Variants in ZNF169 observed in about 807,000 individuals in gnomAD.
The protein encoded by ZNF169 is zinc finger protein 169.
Under a neutral mutation model 12.0 loss-of-function variants are expected in ZNF169, and 11 were observed. The ratio of observed to expected loss-of-function variants is 0.92; its 90% confidence interval spans 0.58 to 1.52. The LOEUF (loss-of-function observed/expected upper bound fraction) is 1.52, where lower values mean the gene tolerates loss of function less well. Among genes scored for constraint, ZNF169 ranks in the 40% most tolerant of loss-of-function variants. The pLI, the probability that ZNF169 is intolerant of heterozygous loss-of-function variation, is 0.00. For missense variants in ZNF169, 722 were observed against 744.0 expected (o/e 0.97, Z 0.34); for synonymous variants, 302 against 286.5 (o/e 1.05, Z -0.55).
chr9:94,299,847 C>T lies in ZNF169; in HGVS notation c.289C>T (p.His97Tyr). 1 of 1,613,702 alleles carries T rather than the reference C, an allele frequency of 6.2e-7. No individual in the cohort carries two copies. The highest frequency in any genetic ancestry group is 8.5e-7 in the Non-Finnish European group (1 of 1,179,824). The change falls in exon 5 of 5, where the codon CAC becomes TAC. Residue 97 changes from histidine (H) to tyrosine (Y), a missense_variant. His to Tyr is a moderately conservative substitution (Grantham distance 83). Transcript: ENST00000395395. ...AACAGAATTCCAGCCAAGTTTTCCC[C>T]ACCTGGTGGCCTTTTCTAGCTCGCA... The part of the protein sequence containing the change: ...PRTEFQPSFP[H>Y]LVAFSSSQLL...
At chr9:94,292,645 G>GCA (rs1224051299) in intron 3 of ZNF169, 178 bp downstream of exon 3, 14 of 818,558 alleles carry the variant, frequency 1.7e-5, no homozygotes, top group East Asian at 2.7e-5. Flanking sequence ...GTGTGTGCGC[G>GCA]TGCACATGCT....
Position 94,271,581 on chromosome 9 carries a change from G to C in ZNF169, c.-55-7177G>C, listed in dbSNP as rs1003806058. On this transcript the variant is annotated intron_variant, in intron 1 of 4. Coordinates refer to ENST00000395395, the MANE Select transcript of ZNF169 (RefSeq NM_194320.4). ...CTAAAAATACAAAAATTAGCTGGGC[G>C]TGGTGGTGCACACCTGTAGTCCCAG... is the stretch of plus-strand genomic sequence containing the variant. Among the ~76,000 whole-genome samples, 4 of 151,916 alleles carry C rather than the reference G, an allele frequency of 2.6e-5. No individual in the cohort carries two copies. In the East Asian group the frequency reaches 5.9e-4, roughly 22 times the overall value.
chr9:94,299,874 C>G lies in ZNF169; in HGVS notation c.316C>G (p.Leu106Val). The change falls in exon 5 of 5, where the codon CTC (leucine) becomes GTC (valine). Residue 106 changes from leucine (L) to valine (V), a missense_variant. By Grantham distance (32) the Leu-to-Val change is conservative. Transcript: ENST00000395395. The stretch of plus-strand genomic sequence containing the variant: ...CCTGGTGGCCTTTTCTAGCTCGCAG[C>G]TCCTCAGACAATATGCGCTAAGTGG... ...PHLVAFSSSQLLRQYALSGHP... is the reference protein window; with the variant it reads ...PHLVAFSSSQVLRQYALSGHP... The G allele has an allele frequency of 3.7e-6, 6 of 1,614,160 alleles. No individual in the cohort carries two copies. Among genetic ancestry groups the G allele is most frequent in the Non-Finnish European group, 5.1e-6 (6 of 1,180,040 alleles).
intron 1 of ZNF169, among the ~76,000 whole-genome samples, chr9:94,275,082 A>G (rs908652976): frequency 1.3e-5 from 2 of 152,034 alleles, no homozygotes; most frequent in African/African-American, 2.4e-5. Flanking sequence ...TATGAAAAAT[A>G]AAAAAATAGC....
At chr9:94,266,287 T>C (rs1564081930) in intron 1 of ZNF169, among the ~76,000 whole-genome samples, 1 of 152,032 alleles carries the variant, frequency 6.6e-6, no homozygotes, top group South Asian at 2.1e-4. Context: ...CACTGTCAAT[T>C]TGCACATGAT....
intron 4 of ZNF169, 109 bp from the exon 5 acceptor site, chr9:94,299,706 T>G (rs1355096556): frequency 1.3e-6 from 2 of 1,484,720 alleles, no homozygotes; most frequent in African/African-American, 2.8e-5. Flanking sequence ...TGTGCCCTTG[T>G]GGGTTGGAAG....
rs1255131078 is a variant in ZNF169 at position 94,261,933 on chromosome 9, A to T, written c.-56+2588A>T. On this transcript the variant is annotated intron_variant, in intron 1 of 4. Coordinates refer to ENST00000395395, the MANE Select transcript of ZNF169 (RefSeq NM_194320.4). ...AAAAACAACTTCAGCATTAATGATC[A>T]TACCCAAGAAAATTAACAGAATTTA... Among the ~76,000 whole-genome samples, 4 of 152,366 alleles carry T rather than the reference A, an allele frequency of 2.6e-5. No individual in the cohort carries two copies. The East Asian group carries it at 7.7e-4, about 29-fold the overall frequency.
At chr9:94,296,633 C>T (rs1406129637) in intron 4 of ZNF169, among the ~76,000 whole-genome samples, 3 of 152,094 alleles carry the variant, frequency 2.0e-5, no homozygotes, top group Admixed American at 6.6e-5. Context: ...CCTTTTTTAA[C>T]TGAATTTCCT....
rs1401473460 is a variant in ZNF169, at chr9:94,292,908, G to A, written c.161-66G>A. 3 of 1,430,798 alleles carry A rather than the reference G, an allele frequency of 2.1e-6. No homozygotes were observed. The East Asian group carries it at 7.3e-5, about 35-fold the overall frequency. The allele number at this position is 1,430,798 out of a possible 1,614,324, so 88.6% of individuals were successfully genotyped here. ...TTTATTGCATTCCTGGGTTGGCTCTGAGTTCTGAGATAGCCTCTTAAGCCA... is the reference window on the plus strand; with the variant it reads ...TTTATTGCATTCCTGGGTTGGCTCTAAGTTCTGAGATAGCCTCTTAAGCCA... On this transcript the variant is annotated intron_variant, in intron 3 of 4. Transcript: ENST00000395395.
chr9:94,288,019 A>G, intron 2 of ZNF169: 1 of 779,284 alleles, frequency 1.3e-6, no homozygotes, highest in Non-Finnish European at 2.3e-6. Context: ...TGAAACTGGA[A>G]TTCATCAGTC....
intron 1 of ZNF169, among the ~76,000 whole-genome samples, chr9:94,263,165 C>T (rs1418545947): frequency 1.3e-5 from 2 of 152,064 alleles, no homozygotes; most frequent in East Asian, 3.8e-4. Flanking sequence ...ATTTTATCAA[C>T]TGTTGTGGCA....
chr9:94,292,443 A>C lies in ZNF169; in HGVS notation c.136A>C (p.Asn46His). The change falls in exon 3 of 5, where the codon AAC becomes CAC. Residue 46 changes from asparagine to histidine, a missense_variant. Coordinates refer to ENST00000395395, the MANE Select transcript of ZNF169 (RefSeq NM_194320.4). The part of the protein sequence containing the change: ...RTLYREVMLE[N>H]YSHLVSLGIA... ...CCTGTACAGGGAGGTGATGCTGGAG[A>C]ACTACAGCCATCTGGTCTCCCTGGG... 1 of 1,614,032 alleles carries C rather than the reference A, an allele frequency of 6.2e-7. No individual in the cohort carries two copies. The highest frequency in any genetic ancestry group is 8.5e-7 in the Non-Finnish European group (1 of 1,179,952).
At chr9:94,260,294 C>G (rs1289539973) in intron 1 of ZNF169, among the ~76,000 whole-genome samples, 1 of 152,162 alleles carries the variant, frequency 6.6e-6, no homozygotes, top group Non-Finnish European at 1.5e-5. Flanking sequence ...CTCAAGTAAT[C>G]CCCCCGCCTC....
Position 94,278,762 on chromosome 9 carries a change from G to A in ZNF169, c.-51G>A. 1 of 1,587,490 alleles carries A rather than the reference G, an allele frequency of 6.3e-7. No individual in the cohort carries two copies. Among genetic ancestry groups the A allele is most frequent in the South Asian group, 1.1e-5 (1 of 89,678 alleles). ...ACTTCTCATCTCTTTCCCCAGATTT[G>A]CCTCTGCAACTTGACTCTCCTCTAG... On this transcript the variant is annotated 5_prime_UTR_variant, in exon 2 of 5. Coordinates refer to ENST00000395395, the MANE Select transcript of ZNF169 (RefSeq NM_194320.4).
intron 1 of ZNF169, among the ~76,000 whole-genome samples, chr9:94,270,851 A>G (rs1564083550): frequency 0.025 from 108 of 4,390 alleles, 16 homozygotes; most frequent in Non-Finnish European, 0.14. Context: ...TATATTATAT[A>G]AATATATATA....
intron 2 of ZNF169, among the ~76,000 whole-genome samples, chr9:94,288,709 C>A (rs147779331): frequency 1.4e-4 from 21 of 152,304 alleles, no homozygotes; most frequent in African/African-American, 4.3e-4. Context: ...TTTTCTCCTG[C>A]CACAATGTGA....
intron 2 of ZNF169, among the ~76,000 whole-genome samples, chr9:94,284,604 G>A (rs958870653): frequency 6.6e-6 from 1 of 152,048 alleles, no homozygotes; most frequent in African/African-American, 2.4e-5. Flanking sequence ...CTGTACATTT[G>A]CAATGAACTA....
intron 1 of ZNF169, among the ~76,000 whole-genome samples, chr9:94,263,619 G>A (rs931560430): frequency 6.6e-6 from 1 of 151,618 alleles, no homozygotes; most frequent in African/African-American, 2.4e-5. Context: ...CAACTCGTGG[G>A]CTTAAGCAAT....
chr9:94,271,970 C>T (rs1244487110), intron 1 of ZNF169, among the ~76,000 whole-genome samples: 2 of 152,034 alleles, frequency 1.3e-5, no homozygotes, highest in Non-Finnish European at 2.9e-5. Context: ...TGAACTTTTA[C>T]TTCTGGTTAA....
Sources: gnomAD v4.1 joint callset for allele counts (sites outside exome capture counted in the v4.1 genomes callset) on GRCh38, gnomAD v4.1.1 for gene constraint, MANE v1.5 for transcripts, NCBI Gene and HGNC (gene_info 2026-07-23, HGNC 2026-07-21) for gene names.